The following SMAD2 variants were observed in gnomAD, a reference collection of about 807,000 sequenced individuals.
SMAD2 encodes SMAD family member 2.
SMAD2 carries 8 observed loss-of-function variants against 64.4 expected under a neutral mutation model. The observed-to-expected ratio is 0.12, with a 90% CI of 0.07 to 0.22. SMAD2 has a LOEUF of 0.22. Ranked by LOEUF, SMAD2 falls within the 10% of genes least tolerant of loss-of-function variation. The probability of loss-of-function intolerance (pLI) is 1.00; values close to 1 mark genes in which losing one functional copy is unlikely to be tolerated. For missense variants in SMAD2, 289 were observed against 561.2 expected, an observed-to-expected ratio of 0.51 and a Z score of 4.90; for synonymous variants, 203 against 195.8, an observed-to-expected ratio of 1.04 and a Z score of -0.31.
rs892328972 is a variant in SMAD2, at chr18:47,830,186, G to C, written c.*11641C>G. The C allele has an allele frequency of 1.3e-5, 2 of 152,134 alleles. No individual in the cohort carries two copies. The highest frequency in any genetic ancestry group is 4.8e-5 in the African/African-American group (2 of 41,416). 9.4% of individuals were successfully genotyped at this position (152,134 alleles called of 1,614,324 possible). Reference sequence around the variant, plus strand: ...TGAAATGAAGTAGCTTGTGGTTCTTGGGTAAAACAGACACTAATAAGTTTT... The same window carrying C: ...TGAAATGAAGTAGCTTGTGGTTCTTCGGTAAAACAGACACTAATAAGTTTT... On this transcript the variant is annotated 3_prime_UTR_variant, in exon 11 of 11. Coordinates refer to ENST00000262160, the MANE Select transcript of SMAD2 (RefSeq NM_005901.6).
At chr18:47,879,079 A>G (rs921493667) in intron 2 of SMAD2, among the ~76,000 whole-genome samples, 1 of 152,212 alleles carries the variant, frequency 6.6e-6, no homozygotes, top group South Asian at 2.1e-4. Flanking sequence ...AGACTGCACC[A>G]CTGCACTCAC....
chr18:47,868,403 G>A lies in SMAD2; in HGVS notation c.575C>T (p.Pro192Leu), dbSNP rs2144373584. 1 of 1,610,540 alleles carries A rather than the reference G, an allele frequency of 6.2e-7. No individual in the cohort carries two copies. The change falls in exon 5 of 11, where the codon CCT (proline) becomes CTT (leucine). Residue 192 changes from proline (P) to leucine (L), a missense_variant. By Grantham distance (98) the Pro-to-Leu change is moderately conservative. Around this residue, in one of 6 missense-constraint regions of SMAD2, gnomAD observed 119 missense variants for 156.7 expected, o/e 0.76. Coordinates refer to ENST00000262160, the MANE Select transcript of SMAD2 (RefSeq NM_005901.6). ...AATGGAGTGAGTATAGTCATCCAGA[G>A]GCGGAAGTTCTGTTAGGATCTCGGT... ...RHTEILTELP[P>L]LDDYTHSIPE...
Position 47,811,128 on chromosome 18 carries a change from G to A in SMAD2, c.*30699C>T, listed in dbSNP as rs1912187443. 6.6e-6 allele frequency: 1 copy of A among 152,252 alleles called. No homozygotes were observed. Among genetic ancestry groups the A allele is most frequent in the East Asian group, 1.9e-4 (1 of 5,192 alleles). The allele number at this position is 152,252 out of a possible 1,614,324, so 9.4% of individuals were successfully genotyped here. A position where few individuals can be genotyped will look rare whatever the true frequency, so the allele number is the denominator to read the frequency against. Reference sequence around the variant, plus strand: ...TGTCCACTTGGCTTCCAGGAACAGGGTGAAAACTTCAGATCTTATGGCCTG... The same window carrying A: ...TGTCCACTTGGCTTCCAGGAACAGGATGAAAACTTCAGATCTTATGGCCTG... On this transcript the variant is annotated 3_prime_UTR_variant, in exon 11 of 11. Transcript: ENST00000262160.
In SMAD2 at chr18:47,818,961, C is replaced by T. The variant is rs1912468306; in HGVS notation, c.*22866G>A. On this transcript the variant is annotated 3_prime_UTR_variant, in exon 11 of 11. Transcript: ENST00000262160. ...TATGACTAAAATTCTAAAATGAAAG[C>T]TATGTTTGTGTATGTGTATGTTTAG... The T allele has an allele frequency of 6.6e-6, 1 of 152,106 alleles. No individual in the cohort carries two copies. The highest frequency in any genetic ancestry group is 1.5e-5 in the Non-Finnish European group (1 of 68,018). 9.4% of individuals were successfully genotyped at this position (152,106 alleles called of 1,614,324 possible). A position where few individuals can be genotyped will look rare whatever the true frequency, so the allele number is the denominator to read the frequency against.
At chr18:47,891,423 G>A (rs1225068390) in intron 2 of SMAD2, among the ~76,000 whole-genome samples, 4 of 151,884 alleles carry the variant, frequency 2.6e-5, no homozygotes, top group Non-Finnish European at 5.9e-5. Flanking sequence ...ACTGGGTGAT[G>A]AAAAAACAGG....
intron 2 of SMAD2, among the ~76,000 whole-genome samples, chr18:47,875,997 C>G (rs1289784479): frequency 6.6e-6 from 1 of 151,964 alleles, no homozygotes. Context: ...AGGAAGTCCA[C>G]AAGAAATGTC....
chr18:47,846,812 A>G (rs1328449488), intron 8 of SMAD2, among the ~76,000 whole-genome samples: 1 of 152,186 alleles, frequency 6.6e-6, no homozygotes, highest in Non-Finnish European at 1.5e-5. Context: ...CCTGACCCAC[A>G]GAAACCGTGA....
At chr18:47,849,387 C>T (rs1332648366) in intron 7 of SMAD2, among the ~76,000 whole-genome samples, 1 of 151,928 alleles carries the variant, frequency 6.6e-6, no homozygotes, top group Non-Finnish European at 1.5e-5. Context: ...AAAAACCTCA[C>T]AATTTTGTAG....
In SMAD2 at chr18:47,919,320, G is replaced by A. The variant is rs926144570; in HGVS notation, c.-54+11041C>T. On this transcript the variant is annotated intron_variant, in intron 1 of 10. Coordinates refer to ENST00000262160, the MANE Select transcript of SMAD2 (RefSeq NM_005901.6). ...ACACACTCTCCAGGAAGGTCCTGAAGAATATGTCTCATCAAAAGGAGATAC... is the reference window on the plus strand; with the variant it reads ...ACACACTCTCCAGGAAGGTCCTGAAAAATATGTCTCATCAAAAGGAGATAC... Among the ~76,000 whole-genome samples the A allele has an allele frequency of 2.0e-5, 3 of 151,798 alleles. No individual in the cohort carries two copies. In the East Asian group the frequency reaches 5.8e-4, roughly 29 times the overall value.
rs59129117 is a variant in SMAD2 at position 47,837,561 on chromosome 18, C to CAAAAAAA, written c.*4259_*4265dup. The stretch of plus-strand genomic sequence containing the variant: ...TGGGCAACAGAGCGAGACTCCCTCT[C>CAAAAAAA]AAAAAAAAAAAAAAAAAACAAAAAA... On this transcript the variant is annotated 3_prime_UTR_variant, in exon 11 of 11. Coordinates refer to ENST00000262160, the MANE Select transcript of SMAD2 (RefSeq NM_005901.6). The CAAAAAAA allele has an allele frequency of 5.2e-5, 8 of 155,118 alleles. No homozygotes were observed. The highest frequency in any genetic ancestry group is 6.9e-5 in the Non-Finnish European group (6 of 86,708). 9.6% of individuals were successfully genotyped at this position (155,118 alleles called of 1,614,324 possible).
chr18:47,919,485 C>T (rs1005382230), intron 1 of SMAD2, among the ~76,000 whole-genome samples: 16 of 123,492 alleles, frequency 1.3e-4, no homozygotes, highest in African/African-American at 5.1e-4. Flanking sequence ...CACACACACA[C>T]ACACACACAC....
At chr18:47,867,870 CTAAG>C (rs1293815836) in intron 5 of SMAD2, among the ~76,000 whole-genome samples, 3 of 151,976 alleles carry the variant, frequency 2.0e-5, no homozygotes, top group Non-Finnish European at 4.4e-5. Flanking sequence ...GTCTATAGAA[CTAAG>C]TATTATATTT....
intron 10 of SMAD2, chr18:47,844,994 CT>C (rs1219451664): frequency 4.0e-6 from 2 of 501,884 alleles, no homozygotes; most frequent in Non-Finnish European, 7.0e-6. Context: ...TCCAATGCAC[CT>C]TTTACAACTA....
intron 1 of SMAD2, among the ~76,000 whole-genome samples, chr18:47,917,754 C>T (rs1360142093): frequency 2.6e-5 from 4 of 152,104 alleles, no homozygotes; most frequent in African/African-American, 9.7e-5. Context: ...TATGGGTTCT[C>T]CCTATGTTGT....
intron 2 of SMAD2, among the ~76,000 whole-genome samples, chr18:47,893,602 C>A (rs1484665021): frequency 6.6e-6 from 1 of 152,160 alleles, no homozygotes; most frequent in African/African-American, 2.4e-5. Context: ...TTAGCCATAA[C>A]AAATCTTTTC....
intron 1 of SMAD2, among the ~76,000 whole-genome samples, chr18:47,919,771 T>C (rs2034490615): frequency 6.6e-6 from 1 of 152,106 alleles, no homozygotes; most frequent in Non-Finnish European, 1.5e-5. Context: ...GATGGGGCCA[T>C]AAAGAACAGC....
chr18:47,854,451 A>T (rs1034329612), intron 6 of SMAD2, among the ~76,000 whole-genome samples: 6 of 152,226 alleles, frequency 3.9e-5, no homozygotes, highest in African/African-American at 1.4e-4. Context: ...CCGTGTCACT[A>T]CATGTTGACA....
At chr18:47,848,744 G>A (rs2144301505) in intron 7 of SMAD2, 57 bp from the exon 8 acceptor site, 1 of 1,202,832 alleles carries the variant, frequency 8.3e-7, no homozygotes, top group Non-Finnish European at 1.2e-6. Context: ...AACAATTCAA[G>A]CCAAAAATAG....
At position 47,830,758 on chromosome 18, in the gene SMAD2, T is replaced by A. The variant is rs967315461; in HGVS notation, c.*11069A>T. On this transcript the variant is annotated 3_prime_UTR_variant, in exon 11 of 11. Transcript: ENST00000262160. ...CTCATGAAGAAAAACTTTACAAGAT[T>A]TAAAATCAGAGCAAATGAATTTCTT... The A allele has an allele frequency of 6.5e-6, 1 of 154,710 alleles. No individual in the cohort carries two copies. The highest frequency in any genetic ancestry group is 1.4e-5 in the Non-Finnish European group (1 of 69,408). The allele number at this position is 154,710 out of a possible 1,614,324, so 9.6% of individuals were successfully genotyped here.
Sources: gnomAD v4.1 joint callset for allele counts (sites outside exome capture counted in the v4.1 genomes callset) on GRCh38, gnomAD v4.1.1 for gene constraint, gnomAD v4.1.1 regional missense constraint, MANE v1.5 for transcripts, NCBI Gene and HGNC (gene_info 2026-07-23, HGNC 2026-07-21) for gene names.